Variants in RCL1 observed in about 807,000 individuals in gnomAD.
RCL1 encodes the protein RNA 3'-terminal phosphate cyclase-like protein.
RCL1 carries 24 observed loss-of-function variants against 42.4 expected under a neutral mutation model. The observed-to-expected ratio is 0.57, with a 90% CI of 0.41 to 0.80. RCL1 has a LOEUF of 0.80. Among genes scored for constraint, RCL1 ranks in the 30% least tolerant of loss-of-function variants. The pLI, the probability that RCL1 is intolerant of heterozygous loss-of-function variation, is 0.00. For missense variants in RCL1, 578 were observed against 467.9 expected, an observed-to-expected ratio of 1.24 and a Z score of -2.17; for synonymous variants, 228 against 177.3, an observed-to-expected ratio of 1.29 and a Z score of -2.27.
In RCL1 at chr9:4,849,547, A is replaced by G; in HGVS notation, c.968A>G (p.Tyr323Cys). 3.1e-6 allele frequency: 5 copies of G among 1,606,838 alleles called. No individual in the cohort carries two copies. The highest frequency in any genetic ancestry group is 4.3e-6 in the Non-Finnish European group (5 of 1,173,432). ...GTCCTGCTAGGCCCTCTCTCTCCCTACACGTAAGTTATTCTTTTTCAACCT... is the reference window on the plus strand; with the variant it reads ...GTCCTGCTAGGCCCTCTCTCTCCCTGCACGTAAGTTATTCTTTTTCAACCT... ...SKVLLGPLSPYTIEFLRHLKS... is the reference protein window; with the variant it reads ...SKVLLGPLSPCTIEFLRHLKS... Residue 323 changes from tyrosine (Y) to cysteine (C), a missense_variant, in exon 8 of 9, where the codon TAC (tyrosine) becomes TGC (cysteine). Tyr to Cys is a radical substitution (Grantham distance 194). Coordinates refer to ENST00000381750, the MANE Select transcript of RCL1 (RefSeq NM_005772.5).
intron 3 of RCL1, among the ~76,000 whole-genome samples, chr9:4,830,296 AT>A (rs939339122): frequency 6.6e-6 from 1 of 152,014 alleles, no homozygotes; most frequent in African/African-American, 2.4e-5. Context: ...TGAGGTTGGG[AT>A]TTTTTTTAGA....
Position 4,841,312 on chromosome 9 carries a change from A to T in RCL1, c.665A>T (p.Asp222Val), listed in dbSNP as rs1270799718. The part of the protein sequence containing the change: ...ARSILNKFIP[D>V]IYIYTDHMKG... ...AGCATCCTCAACAAGTTCATACCTGATATCTATATTTACACAGATCACATG... is the reference window on the plus strand; with the variant it reads ...AGCATCCTCAACAAGTTCATACCTGTTATCTATATTTACACAGATCACATG... The change falls in exon 6 of 9, where the codon GAT (aspartate) becomes GTT (valine). Residue 222 changes from aspartate (D) to valine (V), a missense_variant. Coordinates refer to ENST00000381750, the MANE Select transcript of RCL1 (RefSeq NM_005772.5). 1.2e-6 allele frequency: 2 copies of T among 1,613,240 alleles called. No individual in the cohort carries two copies. The highest frequency in any genetic ancestry group is 2.7e-5 in the African/African-American group (2 of 75,006).
intron 1 of RCL1, among the ~76,000 whole-genome samples, chr9:4,805,345 T>C (rs1052613989): frequency 2.6e-5 from 4 of 152,232 alleles, no homozygotes; most frequent in African/African-American, 9.6e-5. Context: ...GCCGTGATCA[T>C]GCTTCTGCAT....
At chr9:4,852,599 A>G (rs10758656) in intron 8 of RCL1, among the ~76,000 whole-genome samples, 29,257 of 151,926 alleles carry the variant, frequency 0.19, 3,308 homozygotes, top group East Asian at 0.54. Context: ...ATTTGTAGAT[A>G]AGGTGCGTGG....
intron 5 of RCL1, among the ~76,000 whole-genome samples, chr9:4,837,137 GA>G (rs1346048334): frequency 1.3e-5 from 2 of 152,126 alleles, no homozygotes; most frequent in African/African-American, 4.8e-5. Flanking sequence ...CAAAGAAATG[GA>G]AATGCAATGT....
At chr9:4,858,842 G>A (rs911650132) in intron 8 of RCL1, among the ~76,000 whole-genome samples, 1 of 152,152 alleles carries the variant, frequency 6.6e-6, no homozygotes, top group Non-Finnish European at 1.5e-5. Flanking sequence ...CTATAGATGT[G>A]CAAGCCATCA....
chr9:4,815,266 T>C (rs748117009), intron 1 of RCL1, among the ~76,000 whole-genome samples: 1 of 152,210 alleles, frequency 6.6e-6, no homozygotes, highest in Non-Finnish European at 1.5e-5. Flanking sequence ...CTTAATGATT[T>C]CCTGTAAGTC....
chr9:4,837,261 G>A (rs1383759409), intron 5 of RCL1, among the ~76,000 whole-genome samples: 5 of 152,054 alleles, frequency 3.3e-5, no homozygotes, highest in Non-Finnish European at 5.9e-5. Context: ...TCCTGTTGAT[G>A]GCCATTGAGT....
chr9:4,845,505 G>T (rs1256176204), intron 7 of RCL1, among the ~76,000 whole-genome samples: 1 of 152,212 alleles, frequency 6.6e-6, no homozygotes, highest in African/African-American at 2.4e-5. Flanking sequence ...TAAAGTAAGG[G>T]AGAAATTTGG....
intron 1 of RCL1, among the ~76,000 whole-genome samples, chr9:4,799,852 C>G (rs374652233): frequency 2.0e-5 from 3 of 152,186 alleles, no homozygotes; most frequent in African/African-American, 7.2e-5. Flanking sequence ...CAGACTCTGA[C>G]TCTGGAATCA....
chr9:4,819,277 A>G (rs773739014), intron 1 of RCL1, among the ~76,000 whole-genome samples: 7 of 152,334 alleles, frequency 4.6e-5, no homozygotes, highest in South Asian at 2.1e-4. Context: ...GCAGTTCACA[A>G]TAGGGTTCAT....
At chr9:4,857,788 C>G (rs1049297424) in intron 8 of RCL1, among the ~76,000 whole-genome samples, 2 of 152,060 alleles carry the variant, frequency 1.3e-5, no homozygotes, top group African/African-American at 2.4e-5. Context: ...TATTGTATGT[C>G]TTTTTATTAT....
intron 1 of RCL1, among the ~76,000 whole-genome samples, chr9:4,816,942 A>C (rs1484223285): frequency 2.0e-5 from 3 of 152,068 alleles, no homozygotes; most frequent in Non-Finnish European, 4.4e-5. Flanking sequence ...TCAGCCTCCC[A>C]GGTAGCTGGG....
At chr9:4,848,675 T>C (rs1385596123) in intron 7 of RCL1, among the ~76,000 whole-genome samples, 1 of 152,214 alleles carries the variant, frequency 6.6e-6, no homozygotes, top group African/African-American at 2.4e-5. Context: ...TGTATGCGTC[T>C]AGTGGAGGCA....
chr9:4,812,355 T>A (rs536104887), intron 1 of RCL1, among the ~76,000 whole-genome samples: 12 of 144,680 alleles, frequency 8.3e-5, no homozygotes, highest in East Asian at 8.3e-4. Flanking sequence ...TTTTTTTTTT[T>A]AATATGATGA....
At chr9:4,823,694 C>G in intron 2 of RCL1, 75 bp downstream of exon 2, 1 of 1,074,214 alleles carries the variant, frequency 9.3e-7, no homozygotes, top group Middle Eastern at 2.2e-4. Context: ...TTTTTTCTTT[C>G]CTTTTTTTTT....
At chr9:4,814,458 C>T (rs532567748) in intron 1 of RCL1, among the ~76,000 whole-genome samples, 27 of 152,032 alleles carry the variant, frequency 1.8e-4, no homozygotes, top group South Asian at 2.1e-4. Flanking sequence ...GTAGAGATGG[C>T]GGTCTCGCTT....
chr9:4,845,201 G>C (rs1817472415), intron 7 of RCL1, among the ~76,000 whole-genome samples: 1 of 152,166 alleles, frequency 6.6e-6, no homozygotes, highest in South Asian at 2.1e-4. Context: ...ATAAGTATTA[G>C]AAAAGAAGAA....
chr9:4,841,086 A>T, intron 5 of RCL1, 146 bp from the exon 6 acceptor site: 1 of 785,264 alleles, frequency 1.3e-6, no homozygotes, highest in Non-Finnish European at 2.0e-6. Context: ...TAATTATGGT[A>T]CTAATTCAGT....
Sources: gnomAD v4.1 joint callset for allele counts (sites outside exome capture counted in the v4.1 genomes callset) on GRCh38, gnomAD v4.1.1 for gene constraint, MANE v1.5 for transcripts, NCBI Gene and HGNC (gene_info 2026-07-23, HGNC 2026-07-21) for gene names.